Variants in TNFRSF1A observed in about 807,000 individuals in gnomAD.
The protein encoded by TNFRSF1A is TNF receptor superfamily member 1A, also known as tumor necrosis factor receptor superfamily member 1A.
TNFRSF1A carries 9 observed loss-of-function variants against 41.6 expected under a neutral mutation model. The observed-to-expected ratio is 0.22, with a 90% CI of 0.13 to 0.38. The LOEUF is 0.38. Ranked by LOEUF, TNFRSF1A falls within the 10% of genes least tolerant of loss-of-function variation. The pLI is 1.00. For synonymous variants in TNFRSF1A, 254 were observed against 248.6 expected, an observed-to-expected ratio of 1.02 and a Z score of -0.21; for missense variants, 463 against 591.5, an observed-to-expected ratio of 0.78 and a Z score of 2.25.
rs1223485583 is a variant in TNFRSF1A at position 6,329,933 on chromosome 12, G to T, written c.902C>A (p.Pro301His). Residue 301 changes from proline (P) to histidine (H), a missense_variant, in exon 9 of 10, where the codon CCC becomes CAC. Pro to His is a moderately conservative substitution (Grantham distance 77, BLOSUM62 -2). Transcript: ENST00000162749. ...AGCCGCAAAGTTGGGACAGTCACCG[G>T]GGGTATAGGTGGAGCTGGAGGTGAA... ...STFTSSSTYTPGDCPNFAAPR... is the reference protein window; with the variant it reads ...STFTSSSTYTHGDCPNFAAPR... The T allele has an allele frequency of 3.8e-6, 6 of 1,571,510 alleles. No homozygotes were observed. The South Asian group carries it at 6.9e-5, about 18-fold the overall frequency.
At chr12:6,335,211 A>T (rs1948105169) in intron 1 of TNFRSF1A, among the ~76,000 whole-genome samples, 1 of 152,170 alleles carries the variant, frequency 6.6e-6, no homozygotes, top group African/African-American at 2.4e-5. Context: ...CCACCTCAAA[A>T]TTTACAAACA....
Position 6,331,044 on chromosome 12 carries a change from T to TA in TNFRSF1A, c.552-119dup, listed in dbSNP as rs879339347. On this transcript the variant is annotated intron_variant, in intron 5 of 9. Transcript: ENST00000162749. Reference sequence around the variant, plus strand: ...CAAATATTTTTGCTGTCTCTTGATATAATTTGTTTTGGGAACTGATGCAGA... The same window carrying TA: ...CAAATATTTTTGCTGTCTCTTGATATAAATTTGTTTTGGGAACTGATGCAGA... The TA allele has an allele frequency of 9.3e-6, 8 of 859,944 alleles. No individual in the cohort carries two copies. In the Middle Eastern group the frequency reaches 9.6e-4, roughly 103 times the overall value. 53.3% of individuals were successfully genotyped at this position (859,944 alleles called of 1,614,324 possible).
rs1469912868 is a variant in TNFRSF1A at position 6,333,840 on chromosome 12, T to C, written c.219A>G (p.Pro73=). The C allele has an allele frequency of 2.0e-5, 32 of 1,600,588 alleles. No homozygotes were observed. The highest frequency in any genetic ancestry group is 2.7e-5 in the Non-Finnish European group (32 of 1,172,974). ...HKGTYLYNDC[P]GPGQDTDCRE... is the part of the protein sequence containing the mutation. ...TGCAGTCCGTATCCTGCCCCGGGCC[T>C]GGACAGTCATTGTACAAGTAGGTTC... Residue 73 remains proline (P), a synonymous_variant, in exon 3 of 10, where the codon CCA becomes CCG. Coordinates refer to ENST00000162749, the MANE Select transcript of TNFRSF1A (RefSeq NM_001065.4). The surrounding 1 kb of genome is among the most constrained non-coding windows in gnomAD (Gnocchi z 6.3).
At position 6,333,495 on chromosome 12, in the gene TNFRSF1A, G is replaced by A. The variant is rs748818440; in HGVS notation, c.344C>T (p.Ser115Phe). The A allele has an allele frequency of 4.3e-6, 7 of 1,614,170 alleles. No individual in the cohort carries two copies. In the South Asian group the frequency reaches 4.4e-5, roughly 10 times the overall value. ...CRKEMGQVEISSCTVDRDTVC... is the reference protein window; with the variant it reads ...CRKEMGQVEIFSCTVDRDTVC... ...GGTGTCCCGGTCCACTGTGCAAGAAGAGATCTCCACCTGACCCATTTCTGG... is the reference window on the plus strand; with the variant it reads ...GGTGTCCCGGTCCACTGTGCAAGAAAAGATCTCCACCTGACCCATTTCTGG... The change falls in exon 4 of 10, where the codon TCT (serine) becomes TTT (phenylalanine). Residue 115 changes from serine to phenylalanine, a missense_variant. Physicochemically the swap from Ser to Phe is radical, Grantham distance 155. Coordinates refer to ENST00000162749, the MANE Select transcript of TNFRSF1A (RefSeq NM_001065.4). The surrounding 1 kb of genome is among the most constrained non-coding windows in gnomAD (Gnocchi z 6.3).
At chr12:6,340,762 G>A (rs1225763119) in intron 1 of TNFRSF1A, among the ~76,000 whole-genome samples, 5 of 152,188 alleles carry the variant, frequency 3.3e-5, no homozygotes, top group South Asian at 4.1e-4. Flanking sequence ...TTCAGAGGCC[G>A]GGCAGGGCAG....
rs1021063860 is a variant in TNFRSF1A, at chr12:6,329,686, C to T, written c.1058-64G>A. On this transcript the variant is annotated intron_variant, in intron 9 of 9. Transcript: ENST00000162749. ...CCAGGCCCCGCCCCGCATCCCGCGC[C>T]CTCCGCCTCTCGTGGTCCCCTCTGG... is the stretch of plus-strand genomic sequence containing the variant. 6.5e-6 allele frequency: 10 copies of T among 1,532,260 alleles called. No individual in the cohort carries two copies. In the African/African-American group the frequency reaches 1.1e-4, roughly 17 times the overall value. 94.9% of individuals were successfully genotyped at this position (1,532,260 alleles called of 1,614,324 possible).
At position 6,330,903 on chromosome 12, in the gene TNFRSF1A, G is replaced by A. The variant is rs746211239; in HGVS notation, c.575C>T (p.Thr192Met). Reference sequence around the variant, plus strand: ...CTCAATCTGGGGTAGGCACAACTTCGTGCACTCCAGGCTTTTCTTACAGCT... The same window carrying A: ...CTCAATCTGGGGTAGGCACAACTTCATGCACTCCAGGCTTTTCTTACAGCT... ...CSNCKKSLEC[T>M]KLCLPQIENV... Residue 192 changes from threonine to methionine, a missense_variant, in exon 6 of 10, where the codon ACG (threonine) becomes ATG (methionine). Coordinates refer to ENST00000162749, the MANE Select transcript of TNFRSF1A (RefSeq NM_001065.4). The A allele has an allele frequency of 2.5e-6, 4 of 1,613,530 alleles. No homozygotes were observed. The highest frequency in any genetic ancestry group is 2.5e-6 in the Non-Finnish European group (3 of 1,180,016).
At chr12:6,330,380 T>A in intron 7 of TNFRSF1A, 85 bp from the exon 8 acceptor site, 1 of 1,341,742 alleles carries the variant, frequency 7.5e-7, no homozygotes, top group Non-Finnish European at 1.1e-6. Flanking sequence ...TGGGGACTTG[T>A]GGTGACATGC....
chr12:6,332,410 G>T (rs1948061803), intron 5 of TNFRSF1A, among the ~76,000 whole-genome samples: 1 of 146,504 alleles, frequency 6.8e-6, no homozygotes. Flanking sequence ...CTCCAGCCTG[G>T]GTGACAGAGT....
chr12:6,338,776 C>T (rs1263852591), intron 1 of TNFRSF1A, among the ~76,000 whole-genome samples: 5 of 152,052 alleles, frequency 3.3e-5, no homozygotes, highest in South Asian at 2.1e-4. Context: ...ATGACAAGCA[C>T]GCCCCACCAT....
chr12:6,329,132 G>T lies in TNFRSF1A; in HGVS notation c.*180C>A. ...CGGCGCACCTCTCTCCGCGCGCACAGCGCTGACTGTCGGCGGCGCGCAGGC... is the reference window on the plus strand; with the variant it reads ...CGGCGCACCTCTCTCCGCGCGCACATCGCTGACTGTCGGCGGCGCGCAGGC... On this transcript the variant is annotated 3_prime_UTR_variant, in exon 10 of 10. Transcript: ENST00000162749. The T allele has an allele frequency of 1.7e-6, 1 of 574,306 alleles. No homozygotes were observed. Among genetic ancestry groups the T allele is most frequent in the South Asian group, 4.3e-5 (1 of 23,070 alleles). 35.6% of individuals were successfully genotyped at this position (574,306 alleles called of 1,614,324 possible).
intron 1 of TNFRSF1A, among the ~76,000 whole-genome samples, chr12:6,339,518 G>A (rs762788093): frequency 4.6e-5 from 7 of 152,192 alleles, no homozygotes; most frequent in Non-Finnish European, 1.0e-4. Context: ...GGACACTGAA[G>A]CAGCGTGGGG....
rs1948198235 is a variant in TNFRSF1A at position 6,341,754 on chromosome 12, T to G, written c.39+22A>C. 2 of 1,613,784 alleles carry G rather than the reference T, an allele frequency of 1.2e-6. No homozygotes were observed. Among genetic ancestry groups the G allele is most frequent in the Non-Finnish European group, 1.7e-6 (2 of 1,179,892 alleles). Reference sequence around the variant, plus strand: ...AGGTGCCTCGCCCACCAGCCCACTCTTCCCTTTGTCCCTGGTCTCACCAGT... The same window carrying G: ...AGGTGCCTCGCCCACCAGCCCACTCGTCCCTTTGTCCCTGGTCTCACCAGT... On this transcript the variant is annotated intron_variant, in intron 1 of 9. Coordinates refer to ENST00000162749, the MANE Select transcript of TNFRSF1A (RefSeq NM_001065.4). This position sits in a 1 kb window ranked among gnomAD's most constrained non-coding sequence, Gnocchi z 4.6.
At position 6,333,617 on chromosome 12, in the gene TNFRSF1A, C is replaced by T. The variant is rs904493076; in HGVS notation, c.323-101G>A. ...TGTGTGTCTCTGTAATACACACTCACATCCATGCAGTGTCCCACCAAAACA... is the reference window on the plus strand; with the variant it reads ...TGTGTGTCTCTGTAATACACACTCATATCCATGCAGTGTCCCACCAAAACA... On this transcript the variant is annotated intron_variant, in intron 3 of 9. Transcript: ENST00000162749. This position sits in a 1 kb window ranked among gnomAD's most constrained non-coding sequence, Gnocchi z 6.3. The T allele has an allele frequency of 1.6e-5, 25 of 1,583,454 alleles. No homozygotes were observed. Among genetic ancestry groups the T allele is most frequent in the Non-Finnish European group, 2.1e-5 (24 of 1,161,520 alleles).
At position 6,329,014 on chromosome 12, in the gene TNFRSF1A, C is replaced by T. The variant is rs200968902; in HGVS notation, c.*298G>A. 9 of 385,542 alleles carry T rather than the reference C, an allele frequency of 2.3e-5. No homozygotes were observed. Among genetic ancestry groups the T allele is most frequent in the South Asian group, 1.3e-4 (1 of 7,422 alleles). The allele number at this position is 385,542 out of a possible 1,614,324, so 23.9% of individuals were successfully genotyped here. A position where few individuals can be genotyped will look rare whatever the true frequency, so the allele number is the denominator to read the frequency against. ...AAGGCTCAGGGACGAACCAGGGGCC[C>T]CCGAGCAGCCTTGCTGGTGAGGACA... On this transcript the variant is annotated 3_prime_UTR_variant, in exon 10 of 10. Transcript: ENST00000162749.
intron 5 of TNFRSF1A, chr12:6,331,187 C>G: frequency 1.9e-6 from 1 of 524,522 alleles, no homozygotes; most frequent in Non-Finnish European, 3.5e-6. Flanking sequence ...CCAGTTCATT[C>G]CTTGGCTAGC....
rs1239273802 is a variant in TNFRSF1A, at chr12:6,337,893, C to T, written c.40-3649G>A. Reference sequence around the variant, plus strand: ...TCAACTGATCGATCTAATGATACATCTGTCTTCCACTCTAGTAGAAGCCAG... The same window carrying T: ...TCAACTGATCGATCTAATGATACATTTGTCTTCCACTCTAGTAGAAGCCAG... On this transcript the variant is annotated intron_variant, in intron 1 of 9. Coordinates refer to ENST00000162749, the MANE Select transcript of TNFRSF1A (RefSeq NM_001065.4). The surrounding 1 kb of genome is among the most constrained non-coding windows in gnomAD (Gnocchi z 4.6). 6.6e-6 allele frequency among the ~76,000 whole-genome samples: 1 copy of T among 152,140 alleles called. No homozygotes were observed. Among genetic ancestry groups the T allele is most frequent in the Non-Finnish European group, 1.5e-5 (1 of 68,024 alleles).
rs1331427095 is a variant in TNFRSF1A at position 6,329,493 on chromosome 12, A to C, written c.1187T>G (p.Leu396Arg). 1 of 1,594,820 alleles carries C rather than the reference A, an allele frequency of 6.3e-7. No individual in the cohort carries two copies. Among genetic ancestry groups the C allele is most frequent in the Non-Finnish European group, 8.5e-7 (1 of 1,177,962 alleles). ...DRLELQNGRC[L>R]REAQYSMLAT... Reference sequence around the variant, plus strand: ...CAGCATGCTGTATTGCGCCTCGCGCAGGCAGCGCCCGTTCTGCAGCTCCAG... The same window carrying C: ...CAGCATGCTGTATTGCGCCTCGCGCCGGCAGCGCCCGTTCTGCAGCTCCAG... The change falls in exon 10 of 10, where the codon CTG becomes CGG. Residue 396 changes from leucine (L) to arginine (R), a missense_variant. Physicochemically the swap from Leu to Arg is moderately radical, Grantham distance 102. Around this residue, in one of 4 missense-constraint regions of TNFRSF1A, gnomAD observed 277 missense variants for 288.8 expected, o/e 0.96. Coordinates refer to ENST00000162749, the MANE Select transcript of TNFRSF1A (RefSeq NM_001065.4).
chr12:6,333,791 T>C lies in TNFRSF1A; in HGVS notation c.268A>G (p.Thr90Ala). The change falls in exon 3 of 10, where the codon ACC becomes GCC. Residue 90 changes from threonine to alanine, a missense_variant. Transcript: ENST00000162749. The surrounding 1 kb of genome is among the most constrained non-coding windows in gnomAD (Gnocchi z 6.3). ...TGTCTGAGGTGGTTTTCTGAAGCGG[T>C]GAAGGAGCCGCTCTCACACTCCCTG... ...DCRECESGSF[T>A]ASENHLRHCL... is the part of the protein sequence containing the mutation. 1.3e-6 allele frequency: 2 copies of C among 1,583,044 alleles called. No individual in the cohort carries two copies. The highest frequency in any genetic ancestry group is 1.7e-6 in the Non-Finnish European group (2 of 1,163,794).
Sources: allele counts gnomAD v4.1 joint callset (sites outside exome capture counted in the v4.1 genomes callset), GRCh38; gene constraint gnomAD v4.1.1; regional missense constraint gnomAD v4.1.1; non-coding constraint Gnocchi (gnomAD v3.1); transcripts MANE v1.5; gene names NCBI Gene and HGNC (gene_info 2026-07-23, HGNC 2026-07-21).